Variants in CYTH1 observed in about 807,000 individuals in gnomAD.
CYTH1 encodes cytohesin-1.
CYTH1 carries 18 observed loss-of-function variants against 61.8 expected under a neutral mutation model. That is an observed-to-expected ratio of 0.29 (90% confidence interval 0.20 to 0.43). CYTH1 has a LOEUF of 0.43. CYTH1 is among the 20% of genes least tolerant of loss of function. The pLI is 1.00. For missense variants in CYTH1, 336 were observed against 510.5 expected, an observed-to-expected ratio of 0.66 and a Z score of 3.29; for synonymous variants, 174 against 184.3, an observed-to-expected ratio of 0.94 and a Z score of 0.45.
chr17:78,768,765 T>C (rs941069689), intron 1 of CYTH1, among the ~76,000 whole-genome samples: 64 of 152,118 alleles, frequency 4.2e-4, no homozygotes, highest in African/African-American at 1.5e-3. Context: ...GAAGAATCTT[T>C]CTAAAATGCA....
intron 1 of CYTH1, among the ~76,000 whole-genome samples, chr17:78,777,140 A>G (rs1052373794): frequency 6.6e-6 from 1 of 150,816 alleles, no homozygotes; most frequent in Non-Finnish European, 1.5e-5. Context: ...AAAAAAAAAA[A>G]TAAGGCCGGG....
intron 1 of CYTH1, among the ~76,000 whole-genome samples, chr17:78,754,525 A>G (rs1169286376): frequency 6.6e-6 from 1 of 151,324 alleles, no homozygotes; most frequent in Non-Finnish European, 1.5e-5. Context: ...TTTCTTTTTT[A>G]TTTGTAGAGA....
intron 11 of CYTH1, among the ~76,000 whole-genome samples, chr17:78,684,191 C>A (rs1015868576): frequency 5.3e-5 from 8 of 152,148 alleles, no homozygotes; most frequent in African/African-American, 1.9e-4. Flanking sequence ...TCCTGCAGAG[C>A]GTGGCCCTCC....
chr17:78,754,686 T>A (rs1279068842), intron 1 of CYTH1, among the ~76,000 whole-genome samples: 1 of 152,118 alleles, frequency 6.6e-6, no homozygotes, highest in South Asian at 2.1e-4. Flanking sequence ...TAAAATAAAT[T>A]TTTGCATTTA....
At chr17:78,757,874 T>G (rs1016668879) in intron 1 of CYTH1, among the ~76,000 whole-genome samples, 6 of 151,112 alleles carry the variant, frequency 4.0e-5, no homozygotes, top group Non-Finnish European at 7.4e-5. Context: ...ATCGCACCAC[T>G]GCACTCCAGC....
intron 1 of CYTH1, among the ~76,000 whole-genome samples, chr17:78,730,978 TAAGG>T (rs1598891299): frequency 6.6e-6 from 1 of 152,010 alleles, no homozygotes; most frequent in Non-Finnish European, 1.5e-5. Flanking sequence ...ATTATCTTCT[TAAGG>T]AAGAAGTGAA....
intron 1 of CYTH1, among the ~76,000 whole-genome samples, chr17:78,762,799 T>C (rs981406619): frequency 6.6e-6 from 1 of 152,106 alleles, no homozygotes; most frequent in African/African-American, 2.4e-5. Flanking sequence ...CCAAGGAGTG[T>C]GGGCAGCCTT....
intron 9 of CYTH1, 62 bp downstream of exon 9, chr17:78,698,207 A>G (rs1326160209): frequency 1.3e-5 from 18 of 1,390,826 alleles, no homozygotes; most frequent in Non-Finnish European, 1.7e-5. Context: ...GCACACACGC[A>G]CACACACCGC....
At chr17:78,712,492 A>G (rs1598868966) in intron 1 of CYTH1, among the ~76,000 whole-genome samples, 2 of 151,810 alleles carry the variant, frequency 1.3e-5, no homozygotes, top group African/African-American at 4.8e-5. Context: ...GTCTCTACTA[A>G]AAATACAAAA....
intron 11 of CYTH1, among the ~76,000 whole-genome samples, chr17:78,688,468 T>A (rs2144121344): frequency 6.6e-6 from 1 of 152,340 alleles, no homozygotes; most frequent in Admixed American, 6.5e-5. Context: ...TGCTGTTTCA[T>A]CAATCTGCCT....
In CYTH1 at chr17:78,766,213, T is replaced by C. The variant is rs557187830; in HGVS notation, c.22+15989A>G. Among the ~76,000 whole-genome samples, 151 of 152,220 alleles carry C rather than the reference T, an allele frequency of 9.9e-4. 4 individuals are homozygous for C. The South Asian group carries it at 0.03, about 31-fold the overall frequency. The stretch of plus-strand genomic sequence containing the variant: ...CTCCCTGGAAGAAACATTATTCTGC[T>C]AGTGTTCTCCTGTCTCACTGTTAAA... On this transcript the variant is annotated intron_variant, in intron 1 of 13. Coordinates refer to ENST00000446868, the MANE Select transcript of CYTH1 (RefSeq NM_004762.6).
Position 78,762,518 on chromosome 17 carries a change from G to A in CYTH1, c.22+19684C>T, listed in dbSNP as rs562618649. Among the ~76,000 whole-genome samples the A allele has an allele frequency of 5.9e-5, 9 of 152,272 alleles. No homozygotes were observed. In the South Asian group the frequency reaches 1.4e-3, roughly 25 times the overall value. ...CTAAGGTAGATGTATAGATGTAGTC[G>A]GCAGGATAATGGTCCCAAAGATATA... On this transcript the variant is annotated intron_variant, in intron 1 of 13. Transcript: ENST00000446868.
intron 3 of CYTH1, among the ~76,000 whole-genome samples, chr17:78,705,727 C>T (rs1431661161): frequency 2.6e-5 from 4 of 152,222 alleles, no homozygotes; most frequent in Middle Eastern, 3.4e-3. Flanking sequence ...CTTTCGATAC[C>T]GGAAAACCAT....
intron 1 of CYTH1, among the ~76,000 whole-genome samples, chr17:78,710,278 A>G (rs2093115224): frequency 6.6e-6 from 1 of 152,160 alleles, no homozygotes. Flanking sequence ...TAGAATATAC[A>G]CCTAAAATCA....
At chr17:78,701,788 G>A in intron 5 of CYTH1, 37 bp from the exon 6 acceptor site, 1 of 1,602,108 alleles carries the variant, frequency 6.2e-7, no homozygotes, top group Non-Finnish European at 8.6e-7. Flanking sequence ...GAGAAAGCAG[G>A]AGTCAGGCAC....
chr17:78,729,838 GAGA>G (rs2093283775), intron 1 of CYTH1, among the ~76,000 whole-genome samples: 1 of 152,172 alleles, frequency 6.6e-6, no homozygotes. Flanking sequence ...GGGAGCTTCT[GAGA>G]AGGACACACT....
chr17:78,754,388 G>A (rs1052119773), intron 1 of CYTH1, among the ~76,000 whole-genome samples: 33 of 152,068 alleles, frequency 2.2e-4, no homozygotes, highest in African/African-American at 7.7e-4. Flanking sequence ...GTGTTGCCCA[G>A]GCTGGAGTGC....
intron 1 of CYTH1, among the ~76,000 whole-genome samples, chr17:78,757,096 C>G (rs936118151): frequency 6.6e-6 from 1 of 150,900 alleles, no homozygotes; most frequent in Non-Finnish European, 1.5e-5. Flanking sequence ...TACAGACGCC[C>G]GCCACCATAC....
chr17:78,767,042 T>C (rs1285903620), intron 1 of CYTH1, among the ~76,000 whole-genome samples: 1 of 152,170 alleles, frequency 6.6e-6, no homozygotes, highest in Admixed American at 6.5e-5. Context: ...TTACGAAAAA[T>C]GTTCAGCAAT....
Sources: allele counts gnomAD v4.1 joint callset (sites outside exome capture counted in the v4.1 genomes callset), GRCh38; gene constraint gnomAD v4.1.1; transcripts MANE v1.5; gene names NCBI Gene and HGNC (gene_info 2026-07-23, HGNC 2026-07-21).